HS3ST3B1: variants seen among roughly 807,000 people sequenced by gnomAD.
HS3ST3B1 encodes the protein heparan sulfate-glucosamine 3-sulfotransferase 3B1.
In HS3ST3B1, 13 loss-of-function variants were observed where a neutral mutation model predicts 21.3. The ratio of observed to expected loss-of-function variants is 0.61; its 90% CI spans 0.40 to 0.97. The LOEUF is 0.97. Ranked by LOEUF, HS3ST3B1 falls within the 50% of genes least tolerant of loss-of-function variation. HS3ST3B1 has a pLI of 0.00. For missense variants in HS3ST3B1, 459 were observed against 554.8 expected, an observed-to-expected ratio of 0.83 and a Z score of 1.73; for synonymous variants, 234 against 254.8, an observed-to-expected ratio of 0.92 and a Z score of 0.78.
At chr17:14,309,027 GC>G (rs1290577803) in intron 1 of HS3ST3B1, among the ~76,000 whole-genome samples, 2 of 152,178 alleles carry the variant, frequency 1.3e-5, no homozygotes, top group East Asian at 3.9e-4. Context: ...GGGGAGAGCC[GC>G]CCCCCTTTTT....
chr17:14,343,377 ATATTAT>A (rs1447087484), intron 1 of HS3ST3B1, among the ~76,000 whole-genome samples: 1 of 152,218 alleles, frequency 6.6e-6, no homozygotes, highest in Non-Finnish European at 1.5e-5. Context: ...AATACACAAC[ATATTAT>A]TATTAACTGT....
Position 14,346,745 on chromosome 17 carries a change from C to T in HS3ST3B1, c.*1099C>T, listed in dbSNP as rs1910594198. 6.6e-6 allele frequency: 1 copy of T among 152,252 alleles called. No homozygotes were observed. 9.4% of individuals were successfully genotyped at this position (152,252 alleles called of 1,614,324 possible). The stretch of plus-strand genomic sequence containing the variant: ...CTGCTTCAGAAATCAAGATGATCTC[C>T]TTTAATTTGCATGAAACTACACCAT... On this transcript the variant is annotated 3_prime_UTR_variant, in exon 2 of 2. Coordinates refer to ENST00000360954, the MANE Select transcript of HS3ST3B1 (RefSeq NM_006041.3).
chr17:14,325,800 A>C (rs2142339025), intron 1 of HS3ST3B1, among the ~76,000 whole-genome samples: 1 of 152,338 alleles, frequency 6.6e-6, no homozygotes, highest in East Asian at 1.9e-4. Context: ...GCCTAACAAA[A>C]GATTTTGATG....
chr17:14,333,268 C>T (rs1910077677), intron 1 of HS3ST3B1, among the ~76,000 whole-genome samples: 1 of 151,982 alleles, frequency 6.6e-6, no homozygotes, highest in Admixed American at 6.5e-5. Flanking sequence ...GAGTTTGAGA[C>T]CCGCCTGGCC....
intron 1 of HS3ST3B1, among the ~76,000 whole-genome samples, chr17:14,308,762 A>G (rs1157247238): frequency 6.6e-6 from 1 of 152,220 alleles, no homozygotes; most frequent in East Asian, 1.9e-4. Context: ...AGGGGTCACT[A>G]TTTTAAACGC....
At chr17:14,318,371 G>T (rs1034315315) in intron 1 of HS3ST3B1, among the ~76,000 whole-genome samples, 1 of 152,122 alleles carries the variant, frequency 6.6e-6, no homozygotes, top group African/African-American at 2.4e-5. Context: ...ACGTGTCCAC[G>T]GCTCTCTGGC....
chr17:14,335,545 A>AT (rs1683724066), intron 1 of HS3ST3B1, among the ~76,000 whole-genome samples: 1 of 152,024 alleles, frequency 6.6e-6, no homozygotes, highest in Non-Finnish European at 1.5e-5. Flanking sequence ...AAATACAAAA[A>AT]TTAGCTGGGC....
chr17:14,316,673 G>A (rs1909510650), intron 1 of HS3ST3B1, among the ~76,000 whole-genome samples: 1 of 152,144 alleles, frequency 6.6e-6, no homozygotes, highest in Admixed American at 6.6e-5. Flanking sequence ...AACATTGGCA[G>A]CCTTGAGCTG....
At chr17:14,309,507 T>G (rs1431713843) in intron 1 of HS3ST3B1, among the ~76,000 whole-genome samples, 3 of 148,562 alleles carry the variant, frequency 2.0e-5, no homozygotes, top group Non-Finnish European at 4.5e-5. Context: ...AGACCAATGG[T>G]GTTCCGCCTG....
chr17:14,337,284 G>GGTGT (rs754241393), intron 1 of HS3ST3B1, among the ~76,000 whole-genome samples: 1 of 149,958 alleles, frequency 6.7e-6, no homozygotes, highest in Admixed American at 6.7e-5. Context: ...CTCTCAGAGG[G>GGTGT]GTGTGTGTGT....
intron 1 of HS3ST3B1, among the ~76,000 whole-genome samples, chr17:14,314,293 A>T (rs1200285446): frequency 6.6e-6 from 1 of 152,166 alleles, no homozygotes; most frequent in African/African-American, 2.4e-5. Context: ...TTTCTTATTT[A>T]AATTTTTATT....
At chr17:14,328,280 G>A (rs1909879379) in intron 1 of HS3ST3B1, 1 of 152,192 alleles carries the variant, frequency 6.6e-6, no homozygotes, top group African/African-American at 2.4e-5. Flanking sequence ...AATGCACAAG[G>A]CAGGTTGGAC....
rs1044167823 is a variant in HS3ST3B1, at chr17:14,301,800, A to G, written c.282A>G (p.Pro94=). The change falls in exon 1 of 2, where the codon CCA becomes CCG. Residue 94 remains proline (P), a synonymous_variant. Coordinates refer to ENST00000360954, the MANE Select transcript of HS3ST3B1 (RefSeq NM_006041.3). ...CCAGGCTGCCGTTCCGGGCGCCGCC[A>G]GCCACCCCACTGGCTTCAGGCAAGG... is the stretch of plus-strand genomic sequence containing the variant. ...TPPRLPFRAP[P]ATPLASGKEM... 6.4e-7 allele frequency: 1 copy of G among 1,557,200 alleles called. No homozygotes were observed. The highest frequency in any genetic ancestry group is 8.7e-7 in the Non-Finnish European group (1 of 1,151,070).
chr17:14,308,965 A>T (rs1445903779), intron 1 of HS3ST3B1, among the ~76,000 whole-genome samples: 3 of 152,240 alleles, frequency 2.0e-5, no homozygotes, highest in Non-Finnish European at 2.9e-5. Context: ...AGTGAAAAAA[A>T]CATTGGGAAG....
chr17:14,317,272 C>G (rs1380614045), intron 1 of HS3ST3B1, among the ~76,000 whole-genome samples: 1 of 152,208 alleles, frequency 6.6e-6, no homozygotes, highest in Non-Finnish European at 1.5e-5. Flanking sequence ...ATGACCAGAG[C>G]ATCTAGATGG....
chr17:14,329,553 G>A (rs567174590), intron 1 of HS3ST3B1: 10 of 151,292 alleles, frequency 6.6e-5, no homozygotes, highest in Non-Finnish European at 1.0e-4. Context: ...AGAAAGAAAA[G>A]GAAAGAAAAG....
Position 14,346,018 on chromosome 17 carries a change from CCAGCTT to C in HS3ST3B1, c.*374_*379del, listed in dbSNP as rs1910559277. ...CTTGTCTTGTCTTGGGTCTCCCATT[CCAGCTT>C]CCCTGTCTCTTCCTGCCTGTGTACC... On this transcript the variant is annotated 3_prime_UTR_variant, in exon 2 of 2. Transcript: ENST00000360954. 4.9e-6 allele frequency: 1 copy of C among 204,186 alleles called. No individual in the cohort carries two copies. The highest frequency in any genetic ancestry group is 2.4e-5 in the African/African-American group (1 of 42,316). 12.6% of individuals were successfully genotyped at this position (204,186 alleles called of 1,614,324 possible).
chr17:14,343,349 T>C (rs539030615), intron 1 of HS3ST3B1, among the ~76,000 whole-genome samples: 2 of 152,172 alleles, frequency 1.3e-5, no homozygotes, highest in South Asian at 4.2e-4. Context: ...GGAAAATCTG[T>C]TTTTGAAGAA....
chr17:14,319,994 AAAAGATGAAAAGGTAG>A (rs1909610473), intron 1 of HS3ST3B1, among the ~76,000 whole-genome samples: 1 of 152,068 alleles, frequency 6.6e-6, no homozygotes. Context: ...GGCCTTTTTA[AAAAGATGAAAAGGTAG>A]AAAGATGAGG....
Sources: allele counts gnomAD v4.1 joint callset (sites outside exome capture counted in the v4.1 genomes callset), GRCh38; gene constraint gnomAD v4.1.1; transcripts MANE v1.5; gene names NCBI Gene and HGNC (gene_info 2026-07-23, HGNC 2026-07-21).